The following CSMD1 variants were observed in gnomAD, a reference collection of about 807,000 sequenced individuals.
The protein encoded by CSMD1 is CUB and Sushi multiple domains 1.
Under a neutral mutation model 417.5 loss-of-function variants are expected in CSMD1, and 213 were observed. The ratio of observed to expected loss-of-function variants is 0.51; its 90% CI spans 0.46 to 0.57. The LOEUF is 0.57. CSMD1 is among the 20% of genes least tolerant of loss of function. The pLI is 0.00. For missense variants in CSMD1, 6,923 were observed against 4,529.7 expected (o/e 1.53, Z -15.17); for synonymous variants, 2,862 against 1,736.8 (o/e 1.65, Z -16.11).
chr8:4,152,110 C>T (rs181105305), intron 3 of CSMD1, among the ~76,000 whole-genome samples: 4 of 151,974 alleles, frequency 2.6e-5, no homozygotes, highest in Admixed American at 1.3e-4. Flanking sequence ...GGGTAATATA[C>T]AGGAAATTGT....
intron 23 of CSMD1, among the ~76,000 whole-genome samples, chr8:3,312,306 C>A (rs1162156705): frequency 6.6e-6 from 1 of 152,166 alleles, no homozygotes; most frequent in Non-Finnish European, 1.5e-5. Context: ...CTTTATATGA[C>A]CAGCTGTCTC....
intron 5 of CSMD1, among the ~76,000 whole-genome samples, chr8:3,986,860 T>C (rs546524430): frequency 8.5e-5 from 13 of 152,226 alleles, no homozygotes; most frequent in Admixed American, 7.9e-4. Flanking sequence ...GTTCAAGCAA[T>C]TCTCCTGCTT....
At chr8:3,835,770 T>A (rs1049542892) in intron 5 of CSMD1, among the ~76,000 whole-genome samples, 6 of 152,050 alleles carry the variant, frequency 3.9e-5, no homozygotes, top group Admixed American at 2.6e-4. Flanking sequence ...ACCCCACCAT[T>A]TGGCTAACTC....
chr8:3,874,005 G>A (rs143218800), intron 5 of CSMD1, among the ~76,000 whole-genome samples: 2 of 152,178 alleles, frequency 1.3e-5, no homozygotes, highest in Non-Finnish European at 2.9e-5. Context: ...ACACTGTGCG[G>A]CTGTAGAACT....
intron 1 of CSMD1, among the ~76,000 whole-genome samples, chr8:4,769,035 T>C (rs1796472391): frequency 6.6e-6 from 1 of 152,138 alleles, no homozygotes; most frequent in Non-Finnish European, 1.5e-5. Flanking sequence ...TACAAAGCCA[T>C]CTCGGGGAAT....
chr8:3,896,589 G>T (rs1047765790), intron 5 of CSMD1, among the ~76,000 whole-genome samples: 6 of 151,812 alleles, frequency 4.0e-5, no homozygotes, highest in African/African-American at 1.5e-4. Context: ...TCGGCTCACC[G>T]CAAGCTCTGC....
rs10111942 is a variant in CSMD1, at chr8:2,957,662, G to T, written c.9814+34C>A. 28,397 of 1,281,632 alleles carry T rather than the reference G, an allele frequency of 0.022. 1,126 individuals are homozygous for T. Among genetic ancestry groups the T allele is most frequent in the African/African-American group, 0.17 (11,353 of 68,222 alleles). The allele number at this position is 1,281,632 out of a possible 1,614,324, so 79.4% of individuals were successfully genotyped here. A position where few individuals can be genotyped will look rare whatever the true frequency, so the allele number is the denominator to read the frequency against. ...TCTCAGACATTCACAATAAATAGGT[G>T]ACTTGTGATGGGGGTGGAAGAAATC... On this transcript the variant is annotated intron_variant, in intron 63 of 69. Coordinates refer to ENST00000635120, the MANE Select transcript of CSMD1 (RefSeq NM_033225.6).
chr8:3,208,423 C>T (rs933528635), intron 30 of CSMD1, among the ~76,000 whole-genome samples: 4 of 152,098 alleles, frequency 2.6e-5, no homozygotes, highest in Admixed American at 1.3e-4. Flanking sequence ...CACACCACCA[C>T]ACACAGCTAA....
chr8:3,580,651 G>A (rs185745698), intron 9 of CSMD1, among the ~76,000 whole-genome samples: 1 of 152,206 alleles, frequency 6.6e-6, no homozygotes, highest in African/African-American at 2.4e-5. Context: ...TCAGGAGTCA[G>A]GAAACAGCAG....
chr8:3,114,038 G>A (rs1371852949), intron 42 of CSMD1, among the ~76,000 whole-genome samples: 1 of 151,658 alleles, frequency 6.6e-6, no homozygotes, highest in Non-Finnish European at 1.5e-5. Flanking sequence ...GGCAATACAG[G>A]GAGATCCCAT....
intron 6 of CSMD1, among the ~76,000 whole-genome samples, chr8:3,742,577 C>G (rs763651603): frequency 1.3e-5 from 2 of 152,132 alleles, no homozygotes; most frequent in African/African-American, 2.4e-5. Context: ...CGCATTGCCT[C>G]TGCCCCGGGC....
chr8:4,025,495 G>A lies in CSMD1; in HGVS notation c.610+6410C>T, dbSNP rs565832009. ...AATTAAGAAGGCATTTAAATCAAGA[G>A]GCAAAAGCATTTTTCATTGAAACTA... On this transcript the variant is annotated intron_variant, in intron 4 of 69. Transcript: ENST00000635120. Among the ~76,000 whole-genome samples, 5 of 152,266 alleles carry A rather than the reference G, an allele frequency of 3.3e-5. No individual in the cohort carries two copies. The East Asian group carries it at 7.7e-4, about 24-fold the overall frequency.
At chr8:4,185,402 C>T (rs952514084) in intron 3 of CSMD1, among the ~76,000 whole-genome samples, 1 of 151,940 alleles carries the variant, frequency 6.6e-6, no homozygotes, top group African/African-American at 2.4e-5. Flanking sequence ...GAATAGTACC[C>T]CTAAGCAATA....
intron 3 of CSMD1, among the ~76,000 whole-genome samples, chr8:4,353,453 G>A (rs553284825): frequency 1.3e-5 from 2 of 151,928 alleles, no homozygotes; most frequent in African/African-American, 4.8e-5. Context: ...GTCTTTATTA[G>A]CAGTGTGAGA....
chr8:3,549,908 C>A (rs1171229028), intron 10 of CSMD1, among the ~76,000 whole-genome samples: 1 of 152,114 alleles, frequency 6.6e-6, no homozygotes, highest in Non-Finnish European at 1.5e-5. Flanking sequence ...ATAAATAAGT[C>A]AACAAGCAGA....
intron 3 of CSMD1, among the ~76,000 whole-genome samples, chr8:4,282,058 A>G (rs1257818538): frequency 6.6e-6 from 1 of 152,226 alleles, no homozygotes; most frequent in African/African-American, 2.4e-5. Context: ...CCTGGGTTGT[A>G]GCACATTGTA....
intron 12 of CSMD1, among the ~76,000 whole-genome samples, chr8:3,414,327 A>G (rs1812997491): frequency 6.6e-6 from 1 of 151,504 alleles, no homozygotes; most frequent in Non-Finnish European, 1.5e-5. Context: ...TTTAAGGATC[A>G]TTCCGAAGAG....
chr8:4,171,954 G>T (rs1360828141), intron 3 of CSMD1, among the ~76,000 whole-genome samples: 1 of 152,032 alleles, frequency 6.6e-6, no homozygotes, highest in East Asian at 1.9e-4. Context: ...GTTCTTTCTT[G>T]CATAATGTAA....
At chr8:4,151,824 T>C (rs957321133) in intron 3 of CSMD1, among the ~76,000 whole-genome samples, 1 of 152,218 alleles carries the variant, frequency 6.6e-6, no homozygotes, top group African/African-American at 2.4e-5. Flanking sequence ...AGTTTTTTTA[T>C]ATATATAGCA....
Sources: gnomAD v4.1 joint callset for allele counts (sites outside exome capture counted in the v4.1 genomes callset) on GRCh38, gnomAD v4.1.1 for gene constraint, MANE v1.5 for transcripts, NCBI Gene and HGNC (gene_info 2026-07-23, HGNC 2026-07-21) for gene names.